ASCC3: variants seen among roughly 807,000 people sequenced by gnomAD.
The protein encoded by ASCC3 is activating signal cointegrator 1 complex subunit 3, also known as ASC-1 complex subunit P200.
A neutral mutation model predicts 256.3 loss-of-function variants in ASCC3; 158 were observed. That is an observed-to-expected ratio of 0.62 (90% CI 0.54 to 0.70). The LOEUF (loss-of-function observed/expected upper bound fraction) is 0.70. Among genes scored for constraint, ASCC3 ranks in the 30% least tolerant of loss-of-function variants. The pLI is 0.00. For missense variants in ASCC3, 2,259 were observed against 2,626.0 expected (o/e 0.86, Z 3.05); for synonymous variants, 948 against 883.4 (o/e 1.07, Z -1.30).
At chr6:100,645,730 T>A (rs1026454714) in intron 22 of ASCC3, among the ~76,000 whole-genome samples, 17 of 152,200 alleles carry the variant, frequency 1.1e-4, no homozygotes, top group Non-Finnish European at 2.1e-4. Flanking sequence ...ATCTGGTGTG[T>A]ATCTTTATAT....
intron 36 of ASCC3, among the ~76,000 whole-genome samples, chr6:100,549,180 G>A (rs879197780): frequency 2.6e-5 from 4 of 151,826 alleles, no homozygotes; most frequent in Admixed American, 6.6e-5. Flanking sequence ...GTGAGTCCAC[G>A]AGACTGAAAA....
chr6:100,851,919 G>T (rs1410186385), intron 3 of ASCC3, among the ~76,000 whole-genome samples: 1 of 152,024 alleles, frequency 6.6e-6, no homozygotes, highest in African/African-American at 2.4e-5. Context: ...CAACCACCCC[G>T]GCTTGTCTTC....
intron 8 of ASCC3, among the ~76,000 whole-genome samples, chr6:100,778,060 G>A (rs760819884): frequency 2.6e-5 from 4 of 151,342 alleles, no homozygotes; most frequent in Non-Finnish European, 5.9e-5. Flanking sequence ...TCTCTTCGAG[G>A]TACAGCCAAT....
chr6:100,598,439 A>G (rs926249717), intron 34 of ASCC3, among the ~76,000 whole-genome samples: 4 of 151,990 alleles, frequency 2.6e-5, no homozygotes, highest in African/African-American at 9.7e-5. Flanking sequence ...ACCCAAGAAT[A>G]CTCTGGATCA....
At chr6:100,879,751 T>C (rs185593145) in intron 1 of ASCC3, among the ~76,000 whole-genome samples, 11 of 152,332 alleles carry the variant, frequency 7.2e-5, no homozygotes, top group Admixed American at 5.2e-4. Context: ...AACTTACTCT[T>C]CTGAAATGGC....
chr6:100,750,181 T>G (rs1189476323), intron 10 of ASCC3, among the ~76,000 whole-genome samples: 1 of 151,978 alleles, frequency 6.6e-6, no homozygotes, highest in Admixed American at 6.6e-5. Flanking sequence ...CTATCAAGCT[T>G]TCAGGATTCC....
chr6:100,797,460 C>CA (rs10550455), intron 8 of ASCC3, among the ~76,000 whole-genome samples: 22 of 86,004 alleles, frequency 2.6e-4, no homozygotes, highest in African/African-American at 7.3e-4. Flanking sequence ...AACTCGTTCT[C>CA]AAAAAAAAAA....
intron 11 of ASCC3, 75 bp downstream of exon 11, chr6:100,725,464 A>G: frequency 6.9e-7 from 1 of 1,452,730 alleles, no homozygotes; most frequent in Non-Finnish European, 9.6e-7. Flanking sequence ...ACAGGTCTAC[A>G]GTGAAAATGC....
chr6:100,688,926 T>C (rs1189103361), intron 13 of ASCC3, among the ~76,000 whole-genome samples: 1 of 152,190 alleles, frequency 6.6e-6, no homozygotes, highest in Non-Finnish European at 1.5e-5. Flanking sequence ...CTCTCAAAGA[T>C]GACAAAGTAC....
At chr6:100,725,503 C>G in intron 11 of ASCC3, 36 bp downstream of exon 11, 1 of 1,602,498 alleles carries the variant, frequency 6.2e-7, no homozygotes, top group Non-Finnish European at 8.5e-7. Context: ...ACATATTTAT[C>G]CCTTCAAAAT....
intron 29 of ASCC3, among the ~76,000 whole-genome samples, chr6:100,627,322 T>C (rs1441932543): frequency 2.6e-5 from 4 of 152,170 alleles, no homozygotes; most frequent in African/African-American, 9.6e-5. Context: ...AAAAACACTT[T>C]GATTAATATT....
chr6:100,725,632 C>G lies in ASCC3; in HGVS notation c.1809G>C (p.Gln603His). The change falls in exon 11 of 42, where the codon CAG becomes CAC. Residue 603 changes from glutamine (Q) to histidine (H), a missense_variant. Transcript: ENST00000369162. ...CATCAAGAATAAGGAGCCTTACAAT[C>G]TGGGAAAGAGCTACATCCCCAACAC... is the stretch of plus-strand genomic sequence containing the variant. ...RKSVGDVALS[Q>H]IVRLLILDEV... is the part of the protein sequence containing the mutation. The G allele has an allele frequency of 6.2e-7, 1 of 1,612,712 alleles. No homozygotes were observed. Among genetic ancestry groups the G allele is most frequent in the Non-Finnish European group, 8.5e-7 (1 of 1,179,160 alleles).
At chr6:100,865,429 G>A (rs1349984772) in intron 2 of ASCC3, among the ~76,000 whole-genome samples, 1 of 152,036 alleles carries the variant, frequency 6.6e-6, no homozygotes, top group African/African-American at 2.4e-5. Flanking sequence ...AAGGGCCTTG[G>A]GGAGGTGAAG....
chr6:100,871,336 C>T (rs549650349), intron 1 of ASCC3, among the ~76,000 whole-genome samples: 4 of 152,260 alleles, frequency 2.6e-5, no homozygotes, highest in African/African-American at 4.8e-5. Flanking sequence ...CCTCGTGATC[C>T]GCCCGCCTCG....
At chr6:100,680,661 C>T (rs1184497909) in intron 13 of ASCC3, among the ~76,000 whole-genome samples, 1 of 152,134 alleles carries the variant, frequency 6.6e-6, no homozygotes, top group East Asian at 1.9e-4. Flanking sequence ...TGTGTGGGTG[C>T]AGTAAATGAC....
At chr6:100,688,181 G>T (rs902747405) in intron 13 of ASCC3, among the ~76,000 whole-genome samples, 1 of 151,012 alleles carries the variant, frequency 6.6e-6, no homozygotes, top group Non-Finnish European at 1.5e-5. Context: ...TAAAAAGTAC[G>T]CAAACCATGG....
chr6:100,662,792 A>C lies in ASCC3; in HGVS notation c.2287-256T>G, dbSNP rs114522609. ...AAAAGCAAGTGTCTCTTTCATCCAG[A>C]TGTCCCTTTTTGCAATCAATCAGTA... On this transcript the variant is annotated intron_variant, in intron 14 of 41. Coordinates refer to ENST00000369162, the MANE Select transcript of ASCC3 (RefSeq NM_006828.4). Among the ~76,000 whole-genome samples, 668 of 152,182 alleles carry C rather than the reference A, an allele frequency of 4.4e-3. 7 individuals carry two copies. Among genetic ancestry groups the C allele is most frequent in the African/African-American group, 0.015 (636 of 41,560 alleles).
At chr6:100,677,647 A>G (rs1777092214) in intron 14 of ASCC3, among the ~76,000 whole-genome samples, 1 of 152,170 alleles carries the variant, frequency 6.6e-6, no homozygotes. Context: ...AAGCTAAGAA[A>G]AAAAGTAATT....
intron 3 of ASCC3, among the ~76,000 whole-genome samples, chr6:100,862,492 G>A (rs963608388): frequency 3.9e-5 from 6 of 152,126 alleles, no homozygotes; most frequent in Admixed American, 1.3e-4. Context: ...TCAAGTCTAT[G>A]AGACGTAACA....
Sources: gnomAD v4.1 joint callset for allele counts (sites outside exome capture counted in the v4.1 genomes callset) on GRCh38, gnomAD v4.1.1 for gene constraint, MANE v1.5 for transcripts, NCBI Gene and HGNC (gene_info 2026-07-23, HGNC 2026-07-21) for gene names.